PCLO: variants seen among roughly 807,000 people sequenced by gnomAD.
PCLO encodes protein piccolo.
PCLO carries 82 observed loss-of-function variants against 427.5 expected under a neutral mutation model. The ratio of observed to expected loss-of-function variants is 0.19; its 90% CI spans 0.16 to 0.23. PCLO has a LOEUF of 0.23. PCLO is among the 10% of genes least tolerant of loss of function. PCLO has a pLI of 1.00. For missense variants in PCLO, 6,239 were observed against 6,115.9 expected, an observed-to-expected ratio of 1.02 and a Z score of -0.67; for synonymous variants, 2,357 against 2,155.4, an observed-to-expected ratio of 1.09 and a Z score of -2.59.
chr7:83,135,242 A>T lies in PCLO; in HGVS notation c.2308T>A (p.Ser770Thr). Residue 770 changes from serine (S) to threonine (T), a missense_variant, in exon 3 of 25, where the codon TCA (serine) becomes ACA (threonine). Transcript: ENST00000333891. ...VKPTTDLVSS[S>T]SATTKPDIPS... Reference sequence around the variant, plus strand: ...ATATCAGGTTTTGTTGTTGCTGATGATGAAGATACAAGGTCAGTGGTTGGC... The same window carrying T: ...ATATCAGGTTTTGTTGTTGCTGATGTTGAAGATACAAGGTCAGTGGTTGGC... 6.2e-7 allele frequency: 1 copy of T among 1,613,884 alleles called. No homozygotes were observed. Among genetic ancestry groups the T allele is most frequent in the South Asian group, 1.1e-5 (1 of 91,072 alleles).
chr7:82,914,520 C>T (rs1794396589), intron 7 of PCLO, 166 bp downstream of exon 7: 1 of 714,140 alleles, frequency 1.4e-6, no homozygotes, highest in Admixed American at 2.1e-5. Flanking sequence ...GCTACAGAAT[C>T]TATACACATG....
At chr7:82,960,429 T>C (rs1795630726) in intron 4 of PCLO, among the ~76,000 whole-genome samples, 1 of 152,192 alleles carries the variant, frequency 6.6e-6, no homozygotes, top group Non-Finnish European at 1.5e-5. Flanking sequence ...ATATGTAACT[T>C]GAATACTAAC....
At chr7:82,864,297 T>C (rs993075674) in intron 10 of PCLO, among the ~76,000 whole-genome samples, 1 of 152,072 alleles carries the variant, frequency 6.6e-6, no homozygotes, top group African/African-American at 2.4e-5. Flanking sequence ...TTATATCAAT[T>C]AGTTATAATT....
At chr7:82,881,142 C>T (rs1037146396) in intron 9 of PCLO, among the ~76,000 whole-genome samples, 2 of 152,040 alleles carry the variant, frequency 1.3e-5, no homozygotes, top group Non-Finnish European at 2.9e-5. Context: ...TTTGGGAGGC[C>T]AAGGTGGGAG....
rs780079111 is a variant in PCLO, at chr7:82,845,282, C to G, written c.14035G>C (p.Gly4679Arg). The G allele has an allele frequency of 1.2e-6, 2 of 1,612,928 alleles. No homozygotes were observed. The highest frequency in any genetic ancestry group is 2.2e-5 in the South Asian group (2 of 91,060). The change falls in exon 13 of 25, where the codon GGC (glycine) becomes CGC (arginine). Residue 4679 changes from glycine to arginine, a missense_variant. By Grantham distance (125) the Gly-to-Arg change is moderately radical (BLOSUM62 -2). Coordinates refer to ENST00000333891, the MANE Select transcript of PCLO (RefSeq NM_033026.6). ...GSPSVSKKKH[G>R]SSKPTDGTKV... ...TCAACAATCCTCACCTTGCTGCTGC[C>G]GTGCTTCTTTTTGCTCACTGAGGGG...
intron 3 of PCLO, among the ~76,000 whole-genome samples, chr7:82,982,239 T>A (rs1796162141): frequency 6.6e-6 from 1 of 152,076 alleles, no homozygotes; most frequent in Non-Finnish European, 1.5e-5. Flanking sequence ...AAATATGAAT[T>A]GTCTCACTAT....
chr7:82,787,601 G>A (rs78493889), intron 22 of PCLO, among the ~76,000 whole-genome samples: 2,632 of 152,058 alleles, frequency 0.017, 35 homozygotes, highest in Non-Finnish European at 0.026. Context: ...ATCACATGAC[G>A]TGCTAGACAA....
At chr7:82,792,764 C>T (rs11980441) in intron 22 of PCLO, among the ~76,000 whole-genome samples, 52,961 of 151,838 alleles carry the variant, frequency 0.35, 9,699 homozygotes, top group African/African-American at 0.42. Flanking sequence ...AATCTGTTTC[C>T]TGGGTTCTTT....
chr7:82,908,749 T>C (rs984817265), intron 8 of PCLO, 128 bp downstream of exon 8: 122 of 815,174 alleles, frequency 1.5e-4, no homozygotes, highest in African/African-American at 7.7e-4. Flanking sequence ...CTTTATGTTA[T>C]TGGAAAAAAT....
chr7:82,866,579 G>A (rs1793098024), intron 10 of PCLO, among the ~76,000 whole-genome samples: 1 of 151,598 alleles, frequency 6.6e-6, no homozygotes, highest in Admixed American at 6.6e-5. Flanking sequence ...TGAGTAGAGT[G>A]TAAAAGGAAA....
intron 3 of PCLO, among the ~76,000 whole-genome samples, chr7:83,121,374 A>C (rs1308546532): frequency 1.3e-5 from 2 of 152,176 alleles, no homozygotes; most frequent in East Asian, 1.9e-4. Flanking sequence ...ATCAAAAACC[A>C]ATAACAGATA....
At chr7:82,912,385 C>T (rs767684201) in intron 7 of PCLO, among the ~76,000 whole-genome samples, 25 of 151,712 alleles carry the variant, frequency 1.6e-4, no homozygotes, top group Non-Finnish European at 3.1e-4. Context: ...TTATGTGATA[C>T]ATAAACAAAG....
intron 10 of PCLO, among the ~76,000 whole-genome samples, chr7:82,864,225 C>T (rs532532030): frequency 6.6e-6 from 1 of 152,182 alleles, no homozygotes; most frequent in Admixed American, 6.5e-5. Flanking sequence ...AATAAAACAT[C>T]ACATCAAGTC....
chr7:83,141,330 T>A (rs6968150), intron 2 of PCLO, among the ~76,000 whole-genome samples: 4 of 151,964 alleles, frequency 2.6e-5, no homozygotes, highest in Admixed American at 1.3e-4. Context: ...ATTCCAGACT[T>A]TATATGACAA....
rs897859026 is a variant in PCLO at position 83,147,057 on chromosome 7, TA to T, written c.1893+7690del. Among the ~76,000 whole-genome samples the T allele has an allele frequency of 4.0e-4, 51 of 129,048 alleles. No individual in the cohort carries two copies. The East Asian group carries it at 4.6e-3, about 12-fold the overall frequency. The allele number at this position is 129,048 out of a possible 152,430, so 84.7% of individuals were successfully genotyped here. A position where few individuals can be genotyped will look rare whatever the true frequency, so the allele number is the denominator to read the frequency against. On this transcript the variant is annotated intron_variant, in intron 2 of 24. Transcript: ENST00000333891. ...TCTAGTCATTTAAAAGCTGAAGGTA[TA>T]AAAAAAAAATAAAAAAAAAAAAGGC...
intron 22 of PCLO, among the ~76,000 whole-genome samples, chr7:82,786,426 TAAC>T (rs1355739897): frequency 1.3e-5 from 2 of 152,182 alleles, no homozygotes; most frequent in Admixed American, 1.3e-4. Flanking sequence ...TTTAAATCGT[TAAC>T]AAATTATTCT....
intron 8 of PCLO, among the ~76,000 whole-genome samples, chr7:82,903,055 G>A (rs2371368): frequency 0.35 from 53,120 of 151,760 alleles, 11,479 homozygotes; most frequent in East Asian, 0.6. Flanking sequence ...GTCAATATTG[G>A]TGACCTCGGA....
In PCLO at chr7:82,954,727, A is replaced by G. The variant is rs754961290; in HGVS notation, c.6226T>C (p.Leu2076=). The G allele has an allele frequency of 6.2e-7, 1 of 1,613,828 alleles. No homozygotes were observed. Among genetic ancestry groups the G allele is most frequent in the Non-Finnish European group, 8.5e-7 (1 of 1,179,830 alleles). ...TGGGTTGGGCTAGATCCAGGTGTTA[A>G]TTGCATCTGTTGCCTCTTCATAAGT... ...EELMKRQQMQ[L]TPGSSPTQAP... is the part of the protein sequence containing the mutation. The change falls in exon 5 of 25, where the codon TTA becomes CTA. Residue 2076 remains leucine (L), a synonymous_variant. Coordinates refer to ENST00000333891, the MANE Select transcript of PCLO (RefSeq NM_033026.6).
chr7:83,155,361 A>G lies in PCLO; in HGVS notation c.1280T>C (p.Leu427Pro). ...TPKPLAQQPG[L>P]QSPAKAPGPT... ...CCCAGGTGCCTTAGCTGGAGACTGT[A>G]GCCCAGGTTGTTGAGCTAGGGGTTT... is the stretch of plus-strand genomic sequence containing the variant. The change falls in exon 2 of 25, where the codon CTA (leucine) becomes CCA (proline). Residue 427 changes from leucine (L) to proline (P), a missense_variant. Coordinates refer to ENST00000333891, the MANE Select transcript of PCLO (RefSeq NM_033026.6). The G allele has an allele frequency of 6.2e-7, 1 of 1,612,728 alleles. No homozygotes were observed. The highest frequency in any genetic ancestry group is 8.5e-7 in the Non-Finnish European group (1 of 1,179,688).
Sources: allele counts gnomAD v4.1 joint callset (sites outside exome capture counted in the v4.1 genomes callset), GRCh38; gene constraint gnomAD v4.1.1; transcripts MANE v1.5; gene names NCBI Gene and HGNC (gene_info 2026-07-23, HGNC 2026-07-21).